Variants in BSDC1 observed in about 807,000 individuals in gnomAD.
BSDC1 encodes BSD domain containing 1.
Under a neutral mutation model 56.0 loss-of-function variants are expected in BSDC1, and 29 were observed. That is an observed-to-expected ratio of 0.52 (90% CI 0.39 to 0.71). The LOEUF is 0.71. BSDC1 is among the 30% of genes least tolerant of loss of function. The pLI, the probability that BSDC1 is intolerant of heterozygous loss-of-function variation, is 0.00. For missense variants in BSDC1, 477 were observed against 548.5 expected (o/e 0.87, Z 1.30); for synonymous variants, 210 against 215.3 (o/e 0.98, Z 0.21).
chr1:32,372,334 T>A (rs1410822522), intron 9 of BSDC1, among the ~76,000 whole-genome samples: 1 of 152,204 alleles, frequency 6.6e-6, no homozygotes, highest in African/African-American at 2.4e-5. Flanking sequence ...AGCCAGACTC[T>A]TCGCTGCTTC....
At chr1:32,368,036 T>C (rs1189578766) in intron 10 of BSDC1, 1 of 1,150,830 alleles carries the variant, frequency 8.7e-7, no homozygotes, top group African/African-American at 1.6e-5. Context: ...TTTTTCCTTT[T>C]TTTTTTTTTT....
At chr1:32,373,026 C>T (rs1033102052) in intron 9 of BSDC1, among the ~76,000 whole-genome samples, 23 of 152,190 alleles carry the variant, frequency 1.5e-4, no homozygotes, top group African/African-American at 5.3e-4. Context: ...ACCCTGGGAA[C>T]CAGTAAAACC....
rs996660340 is a variant in BSDC1, at chr1:32,366,568, G to A, written c.*54C>T. On this transcript the variant is annotated 3_prime_UTR_variant, in exon 11 of 11. Coordinates refer to ENST00000455895, the MANE Select transcript of BSDC1 (RefSeq NM_018045.8). Reference sequence around the variant, plus strand: ...CAGTCTTCCAGGGCTGGGCTGAGACGAGCGAGGGAGGCGAGAGATGCCATG... The same window carrying A: ...CAGTCTTCCAGGGCTGGGCTGAGACAAGCGAGGGAGGCGAGAGATGCCATG... 5.5e-6 allele frequency: 8 copies of A among 1,449,056 alleles called. No individual in the cohort carries two copies. In the African/African-American group the frequency reaches 5.6e-5, roughly 10 times the overall value. 89.8% of individuals were successfully genotyped at this position (1,449,056 alleles called of 1,614,324 possible). A position where few individuals can be genotyped will look rare whatever the true frequency, so the allele number is the denominator to read the frequency against.
chr1:32,371,676 A>G (rs367603974), intron 9 of BSDC1, among the ~76,000 whole-genome samples: 30 of 151,936 alleles, frequency 2.0e-4, no homozygotes, highest in South Asian at 8.3e-4. Flanking sequence ...CATGACCAGT[A>G]AACATCTCCG....
rs1438947722 is a variant in BSDC1 at position 32,365,823 on chromosome 1, A to C, written c.*799T>G. The stretch of plus-strand genomic sequence containing the variant: ...AGGTGGGTAGCTGGTTGGACAAGGT[A>C]TCCTGCCAGGCAACACACAGAAGGG... On this transcript the variant is annotated 3_prime_UTR_variant, in exon 11 of 11. Transcript: ENST00000455895. The C allele has an allele frequency of 6.5e-6, 1 of 152,800 alleles. No individual in the cohort carries two copies. The highest frequency in any genetic ancestry group is 1.5e-5 in the Non-Finnish European group (1 of 68,200). 9.5% of individuals were successfully genotyped at this position (152,800 alleles called of 1,614,324 possible).
chr1:32,372,350 T>A (rs2148114073), intron 9 of BSDC1, among the ~76,000 whole-genome samples: 1 of 152,344 alleles, frequency 6.6e-6, no homozygotes, highest in South Asian at 2.1e-4. Context: ...GCTTCCTCAC[T>A]TCAGGGCTTT....
chr1:32,377,042 A>G (rs746367666), intron 8 of BSDC1, among the ~76,000 whole-genome samples: 9 of 152,162 alleles, frequency 5.9e-5, no homozygotes, highest in Non-Finnish European at 1.2e-4. Context: ...AGGCTGAGGC[A>G]GGAGAATCGC....
chr1:32,367,771 T>A, intron 10 of BSDC1: 1 of 907,422 alleles, frequency 1.1e-6, no homozygotes, highest in African/African-American at 1.8e-5. Flanking sequence ...ATCACTAATG[T>A]CTCCTGAGTG....
chr1:32,378,861 C>CG lies in BSDC1; in HGVS notation c.413-23dup. On this transcript the variant is annotated intron_variant, in intron 5 of 10. Coordinates refer to ENST00000455895, the MANE Select transcript of BSDC1 (RefSeq NM_018045.8). This position sits in a 1 kb window ranked among gnomAD's most constrained non-coding sequence, Gnocchi z 5.2. ...GGCCCTGCAGAGGGACAGATGCTGA[C>CG]GGTCAGTTGCCTTGGTCTGGGAAAA... 2 of 1,433,222 alleles carry CG rather than the reference C, an allele frequency of 1.4e-6. No individual in the cohort carries two copies. Among genetic ancestry groups the CG allele is most frequent in the East Asian group, 5.4e-5 (2 of 37,280 alleles). 88.8% of individuals were successfully genotyped at this position (1,433,222 alleles called of 1,614,324 possible).
At chr1:32,371,004 C>T (rs1029727822) in intron 9 of BSDC1, among the ~76,000 whole-genome samples, 1 of 152,002 alleles carries the variant, frequency 6.6e-6, no homozygotes, top group Non-Finnish European at 1.5e-5. Context: ...TGATGCCTGT[C>T]TGTACTATTT....
chr1:32,366,599 G>A lies in BSDC1; in HGVS notation c.*23C>T. On this transcript the variant is annotated 3_prime_UTR_variant, in exon 11 of 11. Transcript: ENST00000455895. Reference sequence around the variant, plus strand: ...GGGAGGCGAGAGATGCCATGGGTGGGGGAGCTGCTCCCTCTGGCTCCCTCA... The same window carrying A: ...GGGAGGCGAGAGATGCCATGGGTGGAGGAGCTGCTCCCTCTGGCTCCCTCA... 6.6e-7 allele frequency: 1 copy of A among 1,518,412 alleles called. No homozygotes were observed. The highest frequency in any genetic ancestry group is 8.9e-7 in the Non-Finnish European group (1 of 1,125,250). 94.1% of individuals were successfully genotyped at this position (1,518,412 alleles called of 1,614,324 possible). A position where few individuals can be genotyped will look rare whatever the true frequency, so the allele number is the denominator to read the frequency against.
At position 32,368,661 on chromosome 1, in the gene BSDC1, G is replaced by A. The variant is rs887953681; in HGVS notation, c.1157-111C>T. The A allele has an allele frequency of 5.6e-6, 8 of 1,439,844 alleles. No homozygotes were observed. In the African/African-American group the frequency reaches 1.0e-4, roughly 18 times the overall value. 89.2% of individuals were successfully genotyped at this position (1,439,844 alleles called of 1,614,324 possible). On this transcript the variant is annotated intron_variant, in intron 9 of 10. Transcript: ENST00000455895. ...TCAAAAGGGTCTCACAAATACACAA[G>A]TCTTTACATTTTGTGTTCACTCTGG...
intron 10 of BSDC1, chr1:32,367,526 C>G (rs528581437): frequency 1.0e-6 from 1 of 985,418 alleles, no homozygotes; most frequent in East Asian, 1.1e-4. Flanking sequence ...CTAACAGGCT[C>G]ATAAGTTACA....
chr1:32,368,249 C>G, intron 10 of BSDC1, 198 bp downstream of exon 10: 2 of 1,507,830 alleles, frequency 1.3e-6, no homozygotes, highest in Non-Finnish European at 1.8e-6. Context: ...CTCTATCCAC[C>G]CTGGAACTGA....
At chr1:32,375,840 G>A (rs1290497831) in intron 9 of BSDC1, among the ~76,000 whole-genome samples, 3 of 152,224 alleles carry the variant, frequency 2.0e-5, no homozygotes, top group Admixed American at 1.3e-4. Context: ...GGCACAGTGT[G>A]CTAGTTAAGG....
At chr1:32,385,109 A>G (rs1165062906) in intron 3 of BSDC1, among the ~76,000 whole-genome samples, 1 of 152,218 alleles carries the variant, frequency 6.6e-6, no homozygotes, top group African/African-American at 2.4e-5. Flanking sequence ...AGAAGCTGCA[A>G]TCTGTTCCAA....
At position 32,376,371 on chromosome 1, in the gene BSDC1, C is replaced by A; in HGVS notation, c.1047G>T (p.Arg349Ser). 5.6e-6 allele frequency: 9 copies of A among 1,613,654 alleles called. No homozygotes were observed. The highest frequency in any genetic ancestry group is 7.6e-6 in the Non-Finnish European group (9 of 1,179,658). Residue 349 changes from arginine to serine, a missense_variant, in exon 9 of 11, where the codon AGG becomes AGT. Arg to Ser is a moderately radical substitution (Grantham distance 110, BLOSUM62 -1). Coordinates refer to ENST00000455895, the MANE Select transcript of BSDC1 (RefSeq NM_018045.8). ...TCAGAGTCTCTACTCTGGCTGGAGG[C>A]CTGGGCTCTGGGCCGCCGGTGTGGC... is the stretch of plus-strand genomic sequence containing the variant. ...PAGHTGGPEPRPPARVETLRE... is the reference protein window; with the variant it reads ...PAGHTGGPEPSPPARVETLRE...
At chr1:32,371,899 A>G (rs1413517039) in intron 9 of BSDC1, among the ~76,000 whole-genome samples, 1 of 152,166 alleles carries the variant, frequency 6.6e-6, no homozygotes, top group Non-Finnish European at 1.5e-5. Flanking sequence ...TTTATAAAAT[A>G]TGGATAAAAG....
intron 1 of BSDC1, 56 bp from the exon 2 acceptor site, chr1:32,394,196 G>C: frequency 6.3e-7 from 1 of 1,584,590 alleles, no homozygotes; most frequent in Admixed American, 1.8e-5. Flanking sequence ...CCCGCCCAAG[G>C]ATCCGGTTTG....
Sources: allele counts gnomAD v4.1 joint callset (sites outside exome capture counted in the v4.1 genomes callset), GRCh38; gene constraint gnomAD v4.1.1; non-coding constraint Gnocchi (gnomAD v3.1); transcripts MANE v1.5; gene names NCBI Gene and HGNC (gene_info 2026-07-23, HGNC 2026-07-21).